The following ARHGAP19 variants were observed in gnomAD, a reference collection of about 807,000 sequenced individuals.
The protein encoded by ARHGAP19 is rho GTPase-activating protein 19.
In ARHGAP19, 48 loss-of-function variants were observed where a neutral mutation model predicts 60.9. The observed-to-expected ratio is 0.79, with a 90% CI of 0.62 to 1.00. The LOEUF is 1.00. Among genes scored for constraint, ARHGAP19 ranks in the 50% least tolerant of loss-of-function variants. The pLI, the probability that ARHGAP19 is intolerant of heterozygous loss-of-function variation, is 0.00. For missense variants in ARHGAP19, 562 were observed against 597.2 expected (o/e 0.94, Z 0.61); for synonymous variants, 209 against 215.5 (o/e 0.97, Z 0.27).
intron 8 of ARHGAP19, among the ~76,000 whole-genome samples, chr10:97,236,345 A>C (rs1193499984): frequency 6.6e-6 from 1 of 152,168 alleles, no homozygotes; most frequent in Admixed American, 6.6e-5. Flanking sequence ...TTACCAGTTC[A>C]AGTTCTGGAG....
At chr10:97,236,548 T>C (rs1842380735) in intron 8 of ARHGAP19, among the ~76,000 whole-genome samples, 2 of 152,026 alleles carry the variant, frequency 1.3e-5, no homozygotes, top group Admixed American at 6.6e-5. Context: ...CATATCCAAC[T>C]CAAGGGAGTG....
chr10:97,280,948 C>A (rs1843076851), intron 1 of ARHGAP19, among the ~76,000 whole-genome samples: 1 of 152,196 alleles, frequency 6.6e-6, no homozygotes, highest in Admixed American at 6.5e-5. Flanking sequence ...TACGTATGAT[C>A]TGATTAGGTC....
chr10:97,263,559 G>A lies in ARHGAP19; in HGVS notation c.474C>T (p.Leu158=), dbSNP rs754277151. ...CCAAGTCAATGTCAGTTCCATTATTGAGAGCATCCCTTAAAATCTGCTGTC... is the reference window on the plus strand; with the variant it reads ...CCAAGTCAATGTCAGTTCCATTATTAAGAGCATCCCTTAAAATCTGCTGTC... ...SVRQQILRDA[L]NNGTDIDLES... The change falls in exon 4 of 12, where the codon CTC becomes CTT. Residue 158 remains leucine, a synonymous_variant. Transcript: ENST00000358531. The A allele has an allele frequency of 7.4e-6, 12 of 1,613,996 alleles. No individual in the cohort carries two copies. Among genetic ancestry groups the A allele is most frequent in the Non-Finnish European group, 9.3e-6 (11 of 1,180,032 alleles).
chr10:97,231,747 G>C (rs1275938262), intron 9 of ARHGAP19, among the ~76,000 whole-genome samples: 2 of 152,136 alleles, frequency 1.3e-5, no homozygotes, highest in African/African-American at 4.8e-5. Flanking sequence ...TGGCTTTTGT[G>C]AATAATGCTG....
intron 9 of ARHGAP19, among the ~76,000 whole-genome samples, chr10:97,233,436 G>T (rs565467488): frequency 6.6e-6 from 1 of 152,074 alleles, no homozygotes; most frequent in Non-Finnish European, 1.5e-5. Context: ...TCCCTGTGTT[G>T]CTGGAATTAT....
Position 97,223,019 on chromosome 10 carries a change from C to T in ARHGAP19, c.*3103G>A, listed in dbSNP as rs537346500. On this transcript the variant is annotated 3_prime_UTR_variant, in exon 12 of 12. Transcript: ENST00000358531. Reference sequence around the variant, plus strand: ...TGCTGTGAGGGAAACTGAACAGAAACGTTCCTACTCAGGAGGAGAGAATGG... The same window carrying T: ...TGCTGTGAGGGAAACTGAACAGAAATGTTCCTACTCAGGAGGAGAGAATGG... 4 of 152,182 alleles carry T rather than the reference C, an allele frequency of 2.6e-5. No homozygotes were observed. Among genetic ancestry groups the T allele is most frequent in the Admixed American group, 6.5e-5 (1 of 15,274 alleles). 9.4% of individuals were successfully genotyped at this position (152,182 alleles called of 1,614,324 possible). A position where few individuals can be genotyped will look rare whatever the true frequency, so the allele number is the denominator to read the frequency against.
At chr10:97,238,207 A>C (rs1056316383) in intron 8 of ARHGAP19, among the ~76,000 whole-genome samples, 5 of 152,018 alleles carry the variant, frequency 3.3e-5, no homozygotes, top group African/African-American at 1.2e-4. Context: ...TCAGTTTTGG[A>C]GTTTTTTTAT....
At chr10:97,270,672 G>A in intron 1 of ARHGAP19, 1 of 1,544,646 alleles carries the variant, frequency 6.5e-7, no homozygotes, top group Non-Finnish European at 8.7e-7. Context: ...CTTTCCCCTT[G>A]TTTGTTGTGA....
At chr10:97,265,766 G>A (rs1842889868) in intron 2 of ARHGAP19, 94 bp downstream of exon 2, 1 of 1,501,172 alleles carries the variant, frequency 6.7e-7, no homozygotes, top group Non-Finnish European at 8.9e-7. Flanking sequence ...AATGCTTTAA[G>A]TTAATAGCAA....
intron 6 of ARHGAP19, among the ~76,000 whole-genome samples, chr10:97,247,982 T>TTTTG (rs1842587081): frequency 6.6e-6 from 1 of 151,180 alleles, no homozygotes; most frequent in Admixed American, 6.6e-5. Flanking sequence ...TTTTTTTTTT[T>TTTTG]TGAGACGGAG....
intron 1 of ARHGAP19, among the ~76,000 whole-genome samples, chr10:97,284,973 C>A (rs995670022): frequency 6.6e-6 from 1 of 150,724 alleles, no homozygotes; most frequent in Non-Finnish European, 1.5e-5. Flanking sequence ...AAGCGATTCT[C>A]CTACCTCAGC....
rs115828406 is a variant in ARHGAP19, at chr10:97,264,007, C to A, written c.404-378G>T. Among the ~76,000 whole-genome samples, 910 of 152,274 alleles carry A rather than the reference C, an allele frequency of 6.0e-3. 14 individuals are homozygous for A. Among genetic ancestry groups the A allele is most frequent in the African/African-American group, 0.021 (852 of 41,538 alleles). On this transcript the variant is annotated intron_variant, in intron 3 of 11. Transcript: ENST00000358531. ...TTATCCCAGACTTCGTTTGGAGGGG[C>A]TACATACATCTGTGGATGTTTGTGG...
At chr10:97,241,159 A>G (rs1204512403) in intron 8 of ARHGAP19, among the ~76,000 whole-genome samples, 1 of 151,886 alleles carries the variant, frequency 6.6e-6, no homozygotes, top group Non-Finnish European at 1.5e-5. Context: ...CATCTCTACT[A>G]AAAATACAAA....
chr10:97,230,819 A>T (rs1850994070), intron 9 of ARHGAP19, among the ~76,000 whole-genome samples: 2 of 152,156 alleles, frequency 1.3e-5, no homozygotes, highest in Admixed American at 1.3e-4. Flanking sequence ...TAATCTCAGC[A>T]CTTTGGGACG....
intron 9 of ARHGAP19, among the ~76,000 whole-genome samples, chr10:97,234,668 T>C (rs188869060): frequency 9.9e-5 from 15 of 151,498 alleles, no homozygotes; most frequent in African/African-American, 2.9e-4. Flanking sequence ...AACATGGTGA[T>C]AGCAGCAATA....
At chr10:97,286,384 G>T (rs757618980) in intron 1 of ARHGAP19, among the ~76,000 whole-genome samples, 34 of 152,310 alleles carry the variant, frequency 2.2e-4, no homozygotes, top group Non-Finnish European at 4.1e-4. Context: ...CTGAGGTCAG[G>T]GGTTTAAGAC....
chr10:97,259,670 C>A (rs1467441382), intron 4 of ARHGAP19, 42 bp from the exon 5 acceptor site: 1 of 1,491,248 alleles, frequency 6.7e-7, no homozygotes, highest in Admixed American at 1.7e-5. Flanking sequence ...GAGAAAATAT[C>A]AGCAAGAAAA....
rs1842916506 is a variant in ARHGAP19 at position 97,267,746 on chromosome 10, C to CTATTGTCCCCTTTTAGCCA, written c.57-1622_57-1621insTGGCTAAAAGGGGACAATA. ...GCACCCTGTGAAGCAATGGCCTGAG[C>CTATTGTCCCCTTTTAGCCA]TATACACTGTCCCCTTTTAGCCATA... On this transcript the variant is annotated intron_variant, in intron 1 of 11. Coordinates refer to ENST00000358531, the MANE Select transcript of ARHGAP19 (RefSeq NM_032900.6). Among the ~76,000 whole-genome samples the CTATTGTCCCCTTTTAGCCA allele has an allele frequency of 2.0e-5, 3 of 152,242 alleles. No homozygotes were observed. In the South Asian group the frequency reaches 6.2e-4, roughly 31 times the overall value.
At chr10:97,226,623 G>A (rs1206642880) in intron 11 of ARHGAP19, among the ~76,000 whole-genome samples, 1 of 152,178 alleles carries the variant, frequency 6.6e-6, no homozygotes, top group Non-Finnish European at 1.5e-5. Context: ...TCATTTTTCG[G>A]AAGATGAGAA....
Sources: gnomAD v4.1 joint callset for allele counts (sites outside exome capture counted in the v4.1 genomes callset) on GRCh38, gnomAD v4.1.1 for gene constraint, MANE v1.5 for transcripts, NCBI Gene and HGNC (gene_info 2026-07-23, HGNC 2026-07-21) for gene names.